CNTNAP2: variants seen among roughly 807,000 people sequenced by gnomAD.
CNTNAP2 encodes the protein contactin associated protein 2, also known as contactin-associated protein-like 2.
CNTNAP2 carries 98 observed loss-of-function variants against 155.2 expected under a neutral mutation model. The observed-to-expected ratio is 0.63, with a 90% CI of 0.54 to 0.75. The LOEUF is 0.75. Among genes scored for constraint, CNTNAP2 ranks in the 30% least tolerant of loss-of-function variants. The pLI is 0.00. For synonymous variants in CNTNAP2, 651 were observed against 631.2 expected (o/e 1.03, Z -0.47); for missense variants, 1,727 against 1,688.1 (o/e 1.02, Z -0.40).
At chr7:146,480,837 C>G (rs1796949800) in intron 1 of CNTNAP2, among the ~76,000 whole-genome samples, 1 of 151,488 alleles carries the variant, frequency 6.6e-6, no homozygotes, top group African/African-American at 2.4e-5. Context: ...CGCCCATCAC[C>G]GCGCCCGGCT....
At chr7:147,156,879 T>A (rs918554843) in intron 8 of CNTNAP2, among the ~76,000 whole-genome samples, 1 of 152,102 alleles carries the variant, frequency 6.6e-6, no homozygotes, top group Non-Finnish European at 1.5e-5. Context: ...GTTGCAAGCA[T>A]ATGTCACCTT....
chr7:148,123,642 AG>A, intron 16 of CNTNAP2, among the ~76,000 whole-genome samples: 1 of 82,984 alleles, frequency 1.2e-5, no homozygotes, highest in Admixed American at 1.1e-4. Context: ...GCAGGAAGGA[AG>A]GAAGGAAGGA....
chr7:147,176,773 T>C (rs2116489783), intron 8 of CNTNAP2, among the ~76,000 whole-genome samples: 2 of 116,630 alleles, frequency 1.7e-5, no homozygotes, highest in African/African-American at 7.0e-5. Context: ...TTATATAGAA[T>C]TATATATAAT....
chr7:148,330,006 C>G (rs2177999), intron 21 of CNTNAP2, among the ~76,000 whole-genome samples: 122,252 of 152,158 alleles, frequency 0.8, 49,192 homozygotes, highest in African/African-American at 0.83. Context: ...CCCCACAAAG[C>G]TATCCAGCAA....
At chr7:146,130,019 G>A (rs962590477) in intron 1 of CNTNAP2, among the ~76,000 whole-genome samples, 1 of 152,190 alleles carries the variant, frequency 6.6e-6, no homozygotes, top group Admixed American at 6.5e-5. Context: ...CATTGGCCAA[G>A]TTTGGAAGTC....
At position 148,302,785 on chromosome 7, in the gene CNTNAP2, C is replaced by T. The variant is rs191895046; in HGVS notation, c.3475+35659C>T. Among the ~76,000 whole-genome samples, 447 of 146,712 alleles carry T rather than the reference C, an allele frequency of 3.0e-3. 1 individual carries two copies. Among genetic ancestry groups the T allele is most frequent in the African/African-American group, 0.011 (422 of 39,948 alleles). On this transcript the variant is annotated intron_variant, in intron 21 of 23. Coordinates refer to ENST00000361727, the MANE Select transcript of CNTNAP2 (RefSeq NM_014141.6). ...ACTGTGAATCAATTAAACCTCTTTCCTTTATAAATTACTCAGTCTCGATTA... is the reference window on the plus strand; with the variant it reads ...ACTGTGAATCAATTAAACCTCTTTCTTTTATAAATTACTCAGTCTCGATTA...
At chr7:147,030,504 G>T (rs1028272901) in intron 3 of CNTNAP2, among the ~76,000 whole-genome samples, 14 of 152,108 alleles carry the variant, frequency 9.2e-5, no homozygotes, top group African/African-American at 3.4e-4. Context: ...TATCAAGCTA[G>T]TACATAGATA....
At chr7:147,369,436 T>A (rs137949285) in intron 9 of CNTNAP2, among the ~76,000 whole-genome samples, 45 of 152,322 alleles carry the variant, frequency 3.0e-4, no homozygotes, top group South Asian at 8.3e-4. Context: ...TCCCTCTTCC[T>A]CTCCTACTAC....
At chr7:146,124,807 G>A (rs1395165514) in intron 1 of CNTNAP2, among the ~76,000 whole-genome samples, 1 of 152,080 alleles carries the variant, frequency 6.6e-6, no homozygotes, top group Non-Finnish European at 1.5e-5. Context: ...ATAACACAAT[G>A]AGTTCGATGC....
chr7:147,737,792 C>T (rs940155863), intron 13 of CNTNAP2, among the ~76,000 whole-genome samples: 1 of 152,206 alleles, frequency 6.6e-6, no homozygotes, highest in African/African-American at 2.4e-5. Flanking sequence ...ATGAGCGAGG[C>T]TCTGTGGGCA....
At chr7:148,334,059 G>T (rs1477225653) in intron 21 of CNTNAP2, among the ~76,000 whole-genome samples, 1 of 152,178 alleles carries the variant, frequency 6.6e-6, no homozygotes, top group Non-Finnish European at 1.5e-5. Flanking sequence ...TCATCATAAT[G>T]GGACTAATGA....
At chr7:146,876,346 A>T (rs1016822806) in intron 3 of CNTNAP2, among the ~76,000 whole-genome samples, 1 of 152,260 alleles carries the variant, frequency 6.6e-6, no homozygotes, top group South Asian at 2.1e-4. Context: ...GTCGGATTTC[A>T]TATACCATTT....
At chr7:146,596,512 A>G (rs997567380) in intron 1 of CNTNAP2, among the ~76,000 whole-genome samples, 2 of 151,622 alleles carry the variant, frequency 1.3e-5, no homozygotes, top group Non-Finnish European at 2.9e-5. Flanking sequence ...TGCCTACATT[A>G]TTACCCAAAA....
chr7:146,167,156 C>A (rs1798324239), intron 1 of CNTNAP2, among the ~76,000 whole-genome samples: 1 of 152,212 alleles, frequency 6.6e-6, no homozygotes, highest in South Asian at 2.1e-4. Flanking sequence ...TTTCCTCTTT[C>A]TTCAACAGAC....
At chr7:147,245,974 C>T (rs2116648251) in intron 8 of CNTNAP2, among the ~76,000 whole-genome samples, 1 of 148,498 alleles carries the variant, frequency 6.7e-6, no homozygotes, top group South Asian at 2.1e-4. Flanking sequence ...TATATATTTA[C>T]ATATACACAT....
chr7:147,783,177 T>C (rs771970651), intron 13 of CNTNAP2, among the ~76,000 whole-genome samples: 1 of 152,208 alleles, frequency 6.6e-6, no homozygotes, highest in Admixed American at 6.5e-5. Flanking sequence ...ATCTAAATTA[T>C]ATCAATATTG....
chr7:147,950,226 C>T (rs1800901149), intron 14 of CNTNAP2, among the ~76,000 whole-genome samples: 1 of 151,952 alleles, frequency 6.6e-6, no homozygotes, highest in Non-Finnish European at 1.5e-5. Context: ...CTGTTTTCAA[C>T]TGTGACTGTG....
intron 2 of CNTNAP2, among the ~76,000 whole-genome samples, chr7:146,786,327 A>G (rs1039126214): frequency 6.6e-6 from 1 of 152,196 alleles, no homozygotes; most frequent in Non-Finnish European, 1.5e-5. Context: ...TCTGTTAGCA[A>G]CCGGCTCAGG....
chr7:147,142,046 C>G (rs1050195301), intron 8 of CNTNAP2, among the ~76,000 whole-genome samples: 11 of 152,078 alleles, frequency 7.2e-5, no homozygotes, highest in Non-Finnish European at 1.3e-4. Flanking sequence ...TCCTCTTTTC[C>G]TAATTGAATA....
Sources: gnomAD v4.1 joint callset for allele counts (sites outside exome capture counted in the v4.1 genomes callset) on GRCh38, gnomAD v4.1.1 for gene constraint, MANE v1.5 for transcripts, NCBI Gene and HGNC (gene_info 2026-07-23, HGNC 2026-07-21) for gene names.